Variants in EMC2 observed in about 807,000 individuals in gnomAD.
The protein encoded by EMC2 is ER membrane protein complex subunit 2.
A neutral mutation model predicts 51.6 loss-of-function variants in EMC2; 37 were observed. The observed-to-expected ratio is 0.72, with a 90% CI of 0.55 to 0.94. The LOEUF (loss-of-function observed/expected upper bound fraction) is 0.94. EMC2 is among the 40% of genes least tolerant of loss of function. The probability of loss-of-function intolerance (pLI) is 0.00; values close to 1 mark genes in which losing one functional copy is unlikely to be tolerated. For synonymous variants in EMC2, 131 were observed against 112.4 expected (o/e 1.17, Z -1.04); for missense variants, 359 against 350.9 (o/e 1.02, Z -0.18).
In EMC2 at chr8:108,450,794, G is replaced by A. The variant is rs146511458; in HGVS notation, c.219+302G>A. On this transcript the variant is annotated intron_variant, in intron 3 of 10. Transcript: ENST00000220853. ...AAATAAGAAAGTTTAAAACAATTTT[G>A]TATTTTGTGTTATTGAATGACTTTC... Among the ~76,000 whole-genome samples, 131 of 152,210 alleles carry A rather than the reference G, an allele frequency of 8.6e-4. 2 individuals carry two copies. In the East Asian group the frequency reaches 0.021, roughly 24 times the overall value.
rs1274001937 is a variant in EMC2, at chr8:108,486,848, CAT to C, written c.*251_*252del. ...CATCAGTCTCTTCATATCACATATA[CAT>C]GTATATATATAAAACTCTAATGTAG... On this transcript the variant is annotated 3_prime_UTR_variant, in exon 11 of 11. Transcript: ENST00000220853. 2 of 303,364 alleles carry C rather than the reference CAT, an allele frequency of 6.6e-6. No homozygotes were observed. The allele number at this position is 303,364 out of a possible 1,614,324, so 18.8% of individuals were successfully genotyped here.
intron 7 of EMC2, chr8:108,475,079 T>C (rs763006944): frequency 3.3e-5 from 5 of 151,982 alleles, no homozygotes; most frequent in Non-Finnish European, 7.4e-5. Context: ...TGTTGGGTAG[T>C]GTCATCACTT....
intron 5 of EMC2, 87 bp from the exon 6 acceptor site, chr8:108,469,739 G>C: frequency 9.3e-7 from 1 of 1,077,074 alleles, no homozygotes; most frequent in Non-Finnish European, 1.4e-6. Flanking sequence ...CTGGCATTGA[G>C]ATAATAATTT....
chr8:108,452,355 T>G (rs1017885906), intron 3 of EMC2, among the ~76,000 whole-genome samples: 3 of 152,088 alleles, frequency 2.0e-5, no homozygotes, highest in African/African-American at 7.2e-5. Flanking sequence ...TCACCTGAGG[T>G]CAGGAGTTCG....
intron 7 of EMC2, among the ~76,000 whole-genome samples, chr8:108,473,110 A>G (rs1472881445): frequency 6.6e-6 from 1 of 152,214 alleles, no homozygotes; most frequent in Middle Eastern, 3.4e-3. Context: ...GAATTGTGCC[A>G]TGTAACCTTT....
chr8:108,471,559 G>A (rs1478374603), intron 7 of EMC2, among the ~76,000 whole-genome samples: 1 of 151,588 alleles, frequency 6.6e-6, no homozygotes, highest in Non-Finnish European at 1.5e-5. Flanking sequence ...TAAAATAAAA[G>A]CCCAAAATAA....
Position 108,489,183 on chromosome 8 carries a change from A to G in EMC2, c.*2585A>G, listed in dbSNP as rs1391013094. On this transcript the variant is annotated 3_prime_UTR_variant, in exon 11 of 11. Coordinates refer to ENST00000220853, the MANE Select transcript of EMC2 (RefSeq NM_014673.5). ...TTAAATGAGAAAAAATAAACTCCAGATTGTTTAAGACACTGTTTGGTTTCC... is the reference window on the plus strand; with the variant it reads ...TTAAATGAGAAAAAATAAACTCCAGGTTGTTTAAGACACTGTTTGGTTTCC... Among the ~76,000 whole-genome samples, 1 of 152,194 alleles carries G rather than the reference A, an allele frequency of 6.6e-6. No homozygotes were observed.
rs35918631 is a variant in EMC2 at position 108,444,895 on chromosome 8, A to C, written c.40+1197A>C. On this transcript the variant is annotated intron_variant, in intron 1 of 10. Transcript: ENST00000220853. ...TAATGGAGAAAACAAACCTGTAAACACACAGTTTTAAAAGGCTTGTGTCAG... is the reference window on the plus strand; with the variant it reads ...TAATGGAGAAAACAAACCTGTAAACCCACAGTTTTAAAAGGCTTGTGTCAG... 6.9e-3 allele frequency among the ~76,000 whole-genome samples: 1,054 copies of C among 152,340 alleles called. 4 individuals are homozygous for C. The highest frequency in any genetic ancestry group is 0.017 in the Middle Eastern group (5 of 294).
At chr8:108,454,309 C>T (rs1276157334) in intron 4 of EMC2, among the ~76,000 whole-genome samples, 2 of 151,978 alleles carry the variant, frequency 1.3e-5, no homozygotes, top group Non-Finnish European at 2.9e-5. Context: ...TTTCTGCCTT[C>T]TCTGATTTAA....
rs781153204 is a variant in EMC2, at chr8:108,476,861, G to A, written c.671G>A (p.Arg224Lys). The change falls in exon 9 of 11, where the codon AGA becomes AAA. Residue 224 changes from arginine (R) to lysine (K), a missense_variant. Physicochemically the swap from Arg to Lys is conservative, Grantham distance 26. Coordinates refer to ENST00000220853, the MANE Select transcript of EMC2 (RefSeq NM_014673.5). The stretch of plus-strand genomic sequence containing the variant: ...GCACAGGCATTGAAACTGAACAACA[G>A]AAATATGAGAGCTTTGTTTGGACTT... ...YFAQALKLNN[R>K]NMRALFGLYM... is the part of the protein sequence containing the mutation. The A allele has an allele frequency of 1.3e-6, 2 of 1,594,818 alleles. No homozygotes were observed. Among genetic ancestry groups the A allele is most frequent in the Non-Finnish European group, 8.6e-7 (1 of 1,163,322 alleles).
At chr8:108,469,632 T>C (rs1810811103) in intron 5 of EMC2, among the ~76,000 whole-genome samples, 194 bp from the exon 6 acceptor site, 1 of 152,150 alleles carries the variant, frequency 6.6e-6, no homozygotes, top group Non-Finnish European at 1.5e-5. Context: ...AAGTAAAGCA[T>C]ATGTGATTGT....
At position 108,443,673 on chromosome 8, in the gene EMC2, A is replaced by C; in HGVS notation, c.15A>C (p.Ser5=). 2.5e-6 allele frequency: 4 copies of C among 1,610,008 alleles called. No homozygotes were observed. Among genetic ancestry groups the C allele is most frequent in the Non-Finnish European group, 2.5e-6 (3 of 1,178,048 alleles). Reference sequence around the variant, plus strand: ...GTTCTGGGAAGATGGCGAAGGTCTCAGAGCTTTACGATGTCACTTGGGAAG... The same window carrying C: ...GTTCTGGGAAGATGGCGAAGGTCTCCGAGCTTTACGATGTCACTTGGGAAG... The part of the protein sequence containing the change: MAKV[S]ELYDVTWEEM... The change falls in exon 1 of 11, where the codon TCA becomes TCC. Residue 5 remains serine (S), a synonymous_variant. Coordinates refer to ENST00000220853, the MANE Select transcript of EMC2 (RefSeq NM_014673.5).
In EMC2 at chr8:108,443,634, C is replaced by G. The variant is rs3737502; in HGVS notation, c.-25C>G. ...TGACTGCGTCTCCCCGCCCTCTCACCCCGCTGCCTCTAGGTTCTGGGAAGA... is the reference window on the plus strand; with the variant it reads ...TGACTGCGTCTCCCCGCCCTCTCACGCCGCTGCCTCTAGGTTCTGGGAAGA... On this transcript the variant is annotated 5_prime_UTR_variant, in exon 1 of 11. Transcript: ENST00000220853. 6.2e-7 allele frequency: 1 copy of G among 1,600,674 alleles called. No homozygotes were observed. The highest frequency in any genetic ancestry group is 1.3e-5 in the African/African-American group (1 of 74,748).
chr8:108,452,302 C>T (rs532373044), intron 3 of EMC2, among the ~76,000 whole-genome samples: 10 of 152,188 alleles, frequency 6.6e-5, no homozygotes, highest in Non-Finnish European at 1.2e-4. Context: ...TGCGGTGGCT[C>T]ATGCCTGTAA....
In EMC2 at chr8:108,463,023, TCTC is replaced by T. The variant is rs1180490746; in HGVS notation, c.364-6793_364-6791del. ...TTCTGGTGCTCTGCCTAGTTAACTT[TCTC>T]CTCCTCCTCTTATTTACTTCTGAGG... On this transcript the variant is annotated intron_variant, in intron 5 of 10. Transcript: ENST00000220853. Among the ~76,000 whole-genome samples the T allele has an allele frequency of 5.9e-5, 9 of 152,232 alleles. No individual in the cohort carries two copies. In the East Asian group the frequency reaches 9.6e-4, roughly 16 times the overall value.
intron 10 of EMC2, among the ~76,000 whole-genome samples, chr8:108,486,249 A>G (rs1811135779): frequency 6.6e-6 from 1 of 151,892 alleles, no homozygotes; most frequent in Admixed American, 6.6e-5. Flanking sequence ...ACATGATTTT[A>G]TGGGTTATTA....
chr8:108,468,392 A>G (rs1471037862), intron 5 of EMC2, among the ~76,000 whole-genome samples: 1 of 152,124 alleles, frequency 6.6e-6, no homozygotes, highest in African/African-American at 2.4e-5. Context: ...CTACTATGTG[A>G]CAGGCATTGT....
chr8:108,449,177 A>G (rs1818953151), intron 1 of EMC2, among the ~76,000 whole-genome samples: 1 of 151,980 alleles, frequency 6.6e-6, no homozygotes, highest in Non-Finnish European at 1.5e-5. Flanking sequence ...GCAGTGGTGC[A>G]ATCACAGGTC....
In EMC2 at chr8:108,486,836, A is replaced by G. The variant is rs1057440577; in HGVS notation, c.*238A>G. On this transcript the variant is annotated 3_prime_UTR_variant, in exon 11 of 11. Transcript: ENST00000220853. Reference sequence around the variant, plus strand: ...TTATTGATTGTACATCAGTCTCTTCATATCACATATACATGTATATATATA... The same window carrying G: ...TTATTGATTGTACATCAGTCTCTTCGTATCACATATACATGTATATATATA... 8 of 353,060 alleles carry G rather than the reference A, an allele frequency of 2.3e-5. No homozygotes were observed. Among genetic ancestry groups the G allele is most frequent in the Non-Finnish European group, 3.5e-5 (7 of 197,926 alleles). 21.9% of individuals were successfully genotyped at this position (353,060 alleles called of 1,614,324 possible).
Sources: gnomAD v4.1 joint callset for allele counts (sites outside exome capture counted in the v4.1 genomes callset) on GRCh38, gnomAD v4.1.1 for gene constraint, MANE v1.5 for transcripts, NCBI Gene and HGNC (gene_info 2026-07-23, HGNC 2026-07-21) for gene names.